The following MCPH1 variants were observed in gnomAD, a reference collection of about 807,000 sequenced individuals.
MCPH1 encodes the protein microcephalin 1, also known as microcephalin.
MCPH1 carries 104 observed loss-of-function variants against 84.5 expected under a neutral mutation model. The observed-to-expected ratio is 1.23, with a 90% CI of 1.05 to 1.45. The LOEUF (loss-of-function observed/expected upper bound fraction) is 1.45. MCPH1 is among the 40% of genes most tolerant of loss of function. The pLI is 0.00. For synonymous variants in MCPH1, 514 were observed against 366.8 expected, an observed-to-expected ratio of 1.40 and a Z score of -4.58; for missense variants, 1,498 against 1,005.7, an observed-to-expected ratio of 1.49 and a Z score of -6.62.
intron 13 of MCPH1, among the ~76,000 whole-genome samples, chr8:6,636,993 G>A (rs184511767): frequency 3.0e-4 from 46 of 152,334 alleles, no homozygotes; most frequent in Middle Eastern, 3.4e-3. Flanking sequence ...AAGTATCAGC[G>A]ATGTGAATGT....
intron 12 of MCPH1, among the ~76,000 whole-genome samples, chr8:6,619,430 A>G (rs1477004408): frequency 6.6e-6 from 1 of 151,888 alleles, no homozygotes; most frequent in Non-Finnish European, 1.5e-5. Context: ...AGCTGGGATT[A>G]CAGGCGCCTA....
chr8:6,489,537 G>C (rs13282022), intron 11 of MCPH1, among the ~76,000 whole-genome samples: 26,819 of 152,238 alleles, frequency 0.18, 2,525 homozygotes, highest in Middle Eastern at 0.29. Flanking sequence ...CAATGACTAA[G>C]ACAGTTGAAG....
chr8:6,457,915 C>T (rs529494633), intron 9 of MCPH1, among the ~76,000 whole-genome samples: 4 of 152,194 alleles, frequency 2.6e-5, no homozygotes, highest in East Asian at 3.9e-4. Context: ...ATTGGACTCA[C>T]CTGGGGATCT....
intron 12 of MCPH1, among the ~76,000 whole-genome samples, chr8:6,510,626 A>G (rs532982329): frequency 8.5e-4 from 130 of 152,332 alleles, no homozygotes; most frequent in African/African-American, 3.1e-3. Flanking sequence ...AGGTTCAGAG[A>G]TATAAACTTG....
chr8:6,447,882 T>G (rs1200512837), intron 8 of MCPH1, among the ~76,000 whole-genome samples: 2 of 152,180 alleles, frequency 1.3e-5, no homozygotes, highest in Non-Finnish European at 2.9e-5. Flanking sequence ...TTAAAATCAT[T>G]AATTTTTTTC....
chr8:6,448,459 T>C (rs143553035), intron 8 of MCPH1, among the ~76,000 whole-genome samples: 3 of 152,288 alleles, frequency 2.0e-5, no homozygotes, highest in African/African-American at 7.2e-5. Flanking sequence ...AGCTGTTTTG[T>C]TTTGAAGTGT....
intron 12 of MCPH1, among the ~76,000 whole-genome samples, chr8:6,510,867 T>C (rs1814921478): frequency 6.6e-6 from 1 of 152,228 alleles, no homozygotes; most frequent in Non-Finnish European, 1.5e-5. Flanking sequence ...GAACTGGACA[T>C]GTGAGTCTCA....
chr8:6,514,492 G>A (rs955611168), intron 12 of MCPH1, among the ~76,000 whole-genome samples: 11 of 152,194 alleles, frequency 7.2e-5, no homozygotes, highest in Non-Finnish European at 1.6e-4. Context: ...TCTGGCTGCA[G>A]CTTTTGTTTT....
At chr8:6,413,772 G>C (rs1229241449) in intron 2 of MCPH1, among the ~76,000 whole-genome samples, 1 of 125,200 alleles carries the variant, frequency 8.0e-6, no homozygotes, top group Non-Finnish European at 1.7e-5. Context: ...TTTTTTTTTT[G>C]GAGATGGAGT....
intron 12 of MCPH1, among the ~76,000 whole-genome samples, chr8:6,593,538 A>G (rs1268464341): frequency 6.7e-6 from 1 of 150,056 alleles, no homozygotes; most frequent in Non-Finnish European, 1.5e-5. Context: ...ATTTTTAATA[A>G]AGATAGCATT....
intron 4 of MCPH1, among the ~76,000 whole-genome samples, chr8:6,434,299 C>G (rs954093536): frequency 1.3e-5 from 2 of 152,182 alleles, no homozygotes; most frequent in Non-Finnish European, 2.9e-5. Flanking sequence ...ACTGCTGACC[C>G]TGAGTCTATA....
At chr8:6,479,388 G>A (rs575248019) in intron 10 of MCPH1, among the ~76,000 whole-genome samples, 26 of 151,576 alleles carry the variant, frequency 1.7e-4, no homozygotes, top group African/African-American at 5.6e-4. Flanking sequence ...GAGGAGAGAT[G>A]TTTATTTCTT....
chr8:6,604,283 G>C (rs1294959119), intron 12 of MCPH1, among the ~76,000 whole-genome samples: 1 of 152,216 alleles, frequency 6.6e-6, no homozygotes, highest in Non-Finnish European at 1.5e-5. Context: ...GGCCGGCAAT[G>C]TGCTTCACCC....
At chr8:6,521,590 G>A (rs140255476) in intron 12 of MCPH1, among the ~76,000 whole-genome samples, 1,975 of 152,292 alleles carry the variant, frequency 0.013, 26 homozygotes, top group Non-Finnish European at 0.014. Context: ...ATATATAAAT[G>A]TGTGTATATA....
intron 3 of MCPH1, among the ~76,000 whole-genome samples, chr8:6,421,986 A>T (rs1280139395): frequency 1.3e-5 from 2 of 152,214 alleles, no homozygotes; most frequent in African/African-American, 4.8e-5. Flanking sequence ...TTGCATTGCA[A>T]GGTCGCTTTA....
At chr8:6,642,942 C>T in intron 13 of MCPH1, 52 bp from the exon 14 acceptor site, 1 of 1,528,834 alleles carries the variant, frequency 6.5e-7, no homozygotes, top group Non-Finnish European at 9.1e-7. Context: ...TTATCACTTT[C>T]CTATGTGGCT....
intron 3 of MCPH1, among the ~76,000 whole-genome samples, chr8:6,420,493 T>A (rs1046521804): frequency 2.6e-5 from 4 of 152,224 alleles, no homozygotes; most frequent in African/African-American, 9.7e-5. Flanking sequence ...GTCATATGTG[T>A]CTTTTATTTA....
chr8:6,482,598 C>A (rs1423005688), intron 11 of MCPH1, among the ~76,000 whole-genome samples: 1 of 152,220 alleles, frequency 6.6e-6, no homozygotes, highest in African/African-American at 2.4e-5. Context: ...CCTTACCCAA[C>A]TTATTCTTCT....
At chr8:6,485,661 T>C (rs184227173) in intron 11 of MCPH1, among the ~76,000 whole-genome samples, 1 of 152,324 alleles carries the variant, frequency 6.6e-6, no homozygotes, top group East Asian at 1.9e-4. Context: ...GCCTTACTGA[T>C]GATGTCGCTA....
Sources: gnomAD v4.1 joint callset for allele counts (sites outside exome capture counted in the v4.1 genomes callset) on GRCh38, gnomAD v4.1.1 for gene constraint, MANE v1.5 for transcripts, NCBI Gene and HGNC (gene_info 2026-07-23, HGNC 2026-07-21) for gene names.